CHPT1: variants seen among roughly 807,000 people sequenced by gnomAD.
CHPT1 encodes choline phosphotransferase 1.
A neutral mutation model predicts 47.6 loss-of-function variants in CHPT1; 36 were observed. That is an observed-to-expected ratio of 0.76 (90% CI 0.58 to 1.00). The LOEUF (loss-of-function observed/expected upper bound fraction) is 1.00. CHPT1 is among the 50% of genes least tolerant of loss of function. The pLI, the probability that CHPT1 is intolerant of heterozygous loss-of-function variation, is 0.00. For synonymous variants in CHPT1, 194 were observed against 186.3 expected (o/e 1.04, Z -0.33); for missense variants, 458 against 498.1 (o/e 0.92, Z 0.77).
intron 3 of CHPT1, among the ~76,000 whole-genome samples, chr12:101,716,137 T>A (rs1951760444): frequency 6.6e-6 from 1 of 151,868 alleles, no homozygotes; most frequent in South Asian, 2.1e-4. Context: ...GGAGAGAGAG[T>A]GACAGCTTCA....
At chr12:101,719,790 C>CA (rs199758198) in intron 4 of CHPT1, 14 of 233,908 alleles carry the variant, frequency 6.0e-5, no homozygotes, top group South Asian at 1.0e-4. Flanking sequence ...AAAGCAGTTT[C>CA]AAAAAAAAGT....
chr12:101,725,095 G>T (rs222507), intron 7 of CHPT1, among the ~76,000 whole-genome samples: 148,533 of 152,224 alleles, frequency 0.98, 72,490 homozygotes, highest in East Asian at 1. Flanking sequence ...ATTTGTTAGA[G>T]TTGGATATTT....
rs1366747408 is a variant in CHPT1, at chr12:101,697,684, T to G, written c.-178T>G. Reference sequence around the variant, plus strand: ...GCCGCGGCCCCACAGCTTCTGGGGCTGGGGCCCCGGCAGCCGGGCAGGCCG... The same window carrying G: ...GCCGCGGCCCCACAGCTTCTGGGGCGGGGGCCCCGGCAGCCGGGCAGGCCG... On this transcript the variant is annotated 5_prime_UTR_variant, in exon 1 of 9. Coordinates refer to ENST00000229266, the MANE Select transcript of CHPT1 (RefSeq NM_020244.3). The G allele has an allele frequency of 6.0e-6, 1 of 165,726 alleles. No individual in the cohort carries two copies. The highest frequency in any genetic ancestry group is 1.3e-5 in the Non-Finnish European group (1 of 78,934). The allele number at this position is 165,726 out of a possible 1,614,324, so 10.3% of individuals were successfully genotyped here.
intron 1 of CHPT1, among the ~76,000 whole-genome samples, 175 bp from the exon 2 acceptor site, chr12:101,713,915 A>G (rs1481484141): frequency 6.6e-6 from 1 of 152,242 alleles, no homozygotes; most frequent in Admixed American, 6.5e-5. Flanking sequence ...CCCTCTACCT[A>G]GATGACTTAA....
chr12:101,698,992 T>A (rs1951509392), intron 1 of CHPT1, among the ~76,000 whole-genome samples: 1 of 152,208 alleles, frequency 6.6e-6, no homozygotes, highest in Non-Finnish European at 1.5e-5. Context: ...TTATAATCAT[T>A]TGAGTGTAGG....
chr12:101,697,912 G>C lies in CHPT1; in HGVS notation c.51G>C (p.Leu17=). ...AGSAPRWLRA[L]SEPLSAAQLR... is the part of the protein sequence containing the mutation. ...CCGCGCCGCGCTGGCTGAGGGCGCT[G>C]AGCGAGCCGCTGAGCGCGGCGCAGC... The change falls in exon 1 of 9, where the codon CTG becomes CTC. Residue 17 remains leucine, a synonymous_variant. Coordinates refer to ENST00000229266, the MANE Select transcript of CHPT1 (RefSeq NM_020244.3). 7.1e-7 allele frequency: 1 copy of C among 1,407,964 alleles called. No homozygotes were observed. The highest frequency in any genetic ancestry group is 9.2e-7 in the Non-Finnish European group (1 of 1,082,216). 87.2% of individuals were successfully genotyped at this position (1,407,964 alleles called of 1,614,324 possible). A position where few individuals can be genotyped will look rare whatever the true frequency, so the allele number is the denominator to read the frequency against.
chr12:101,713,017 T>G (rs1356997864), intron 1 of CHPT1, among the ~76,000 whole-genome samples: 1 of 148,670 alleles, frequency 6.7e-6, no homozygotes, highest in Non-Finnish European at 1.5e-5. Flanking sequence ...AAGATGTACT[T>G]TATGATGGCT....
chr12:101,723,637 G>A (rs1480898905), intron 6 of CHPT1, 85 bp from the exon 7 acceptor site: 6 of 877,112 alleles, frequency 6.8e-6, no homozygotes, highest in Non-Finnish European at 1.0e-5. Context: ...TTTTAATACT[G>A]AATTAAAGTT....
chr12:101,722,722 AAAAAG>A (rs1017412629), intron 5 of CHPT1, among the ~76,000 whole-genome samples: 3 of 151,336 alleles, frequency 2.0e-5, no homozygotes, highest in African/African-American at 4.8e-5. Context: ...AAAAAAAAAA[AAAAAG>A]AAAATAGGAA....
intron 1 of CHPT1, among the ~76,000 whole-genome samples, chr12:101,707,920 G>A (rs1464936072): frequency 1.3e-5 from 2 of 152,114 alleles, no homozygotes; most frequent in East Asian, 3.8e-4. Context: ...ATACTTATGG[G>A]CCTTTTTCCA....
In CHPT1 at chr12:101,708,852, T is replaced by C. The variant is rs1379629854; in HGVS notation, c.274-5238T>C. Among the ~76,000 whole-genome samples, 5 of 148,782 alleles carry C rather than the reference T, an allele frequency of 3.4e-5. 2 individuals are homozygous for C. The East Asian group carries it at 8.0e-4, about 24-fold the overall frequency. On this transcript the variant is annotated intron_variant, in intron 1 of 8. Transcript: ENST00000229266. ...CCTCAAGTGATCAGCCCACCTTGGC[T>C]TCCCAAAGTGCTGGGATTACAGGTG...
chr12:101,722,232 T>C (rs189408389), intron 5 of CHPT1, among the ~76,000 whole-genome samples: 2 of 152,186 alleles, frequency 1.3e-5, no homozygotes, highest in Admixed American at 1.3e-4. Flanking sequence ...AAAGCACTAT[T>C]AGATTTTTAT....
chr12:101,699,110 G>T (rs1268674780), intron 1 of CHPT1, among the ~76,000 whole-genome samples: 1 of 152,104 alleles, frequency 6.6e-6, no homozygotes, highest in Non-Finnish European at 1.5e-5. Context: ...TGAGACAGGG[G>T]TTTACTCTGT....
At chr12:101,728,863 C>T (rs1952052587) in intron 8 of CHPT1, 38 bp from the exon 9 acceptor site, 5 of 1,606,078 alleles carry the variant, frequency 3.1e-6, no homozygotes, top group Non-Finnish European at 4.3e-6. Context: ...TTACAATATG[C>T]TTCTTAGCTA....
chr12:101,707,562 C>G (rs1951650272), intron 1 of CHPT1, among the ~76,000 whole-genome samples: 1 of 152,196 alleles, frequency 6.6e-6, no homozygotes, highest in Admixed American at 6.5e-5. Context: ...TAAACATATA[C>G]TGTGTGCCAG....
intron 1 of CHPT1, among the ~76,000 whole-genome samples, chr12:101,700,848 A>G (rs1951544855): frequency 6.6e-6 from 1 of 152,182 alleles, no homozygotes. Context: ...AAGCCCAGAG[A>G]TGTCAAGTGA....
chr12:101,705,969 G>T (rs1951625956), intron 1 of CHPT1, among the ~76,000 whole-genome samples: 1 of 151,844 alleles, frequency 6.6e-6, no homozygotes, highest in Non-Finnish European at 1.5e-5. Flanking sequence ...CAAGTGATCT[G>T]CCCGCCTCAG....
chr12:101,714,155 TG>T lies in CHPT1; in HGVS notation c.340del (p.Asp114MetfsTer14). ...TTATTTACCAGTCACTGGATGCTAT[TG>T]ATGGGAAACAAGCCAGAAGAACAAA... ...LFIYQSLDAIDGKQARRTNSC... is the reference protein window; with the variant it reads ...LFIYQSLDAIXGKQARRTNSC... On this transcript the variant is annotated frameshift_variant, in exon 2 of 9. Coordinates refer to ENST00000229266, the MANE Select transcript of CHPT1 (RefSeq NM_020244.3). LOFTEE classifies it high-confidence loss of function. 1 of 1,612,538 alleles carries T rather than the reference TG, an allele frequency of 6.2e-7. No homozygotes were observed. Among genetic ancestry groups the T allele is most frequent in the Non-Finnish European group, 8.5e-7 (1 of 1,178,618 alleles).
At position 101,728,843 on chromosome 12, in the gene CHPT1, T is replaced by A. The variant is rs1952049645; in HGVS notation, c.1177-58T>A. On this transcript the variant is annotated intron_variant, in intron 8 of 8. Coordinates refer to ENST00000229266, the MANE Select transcript of CHPT1 (RefSeq NM_020244.3). ...GATTAAAGATGTTACAATTAAACTATTCTAAAGACTTACAATATGCTTCTT... is the reference window on the plus strand; with the variant it reads ...GATTAAAGATGTTACAATTAAACTAATCTAAAGACTTACAATATGCTTCTT... 3 of 1,588,926 alleles carry A rather than the reference T, an allele frequency of 1.9e-6. No individual in the cohort carries two copies. The Admixed American group carries it at 5.0e-5, about 27-fold the overall frequency.
Sources: allele counts gnomAD v4.1 joint callset (sites outside exome capture counted in the v4.1 genomes callset), GRCh38; gene constraint gnomAD v4.1.1; transcripts MANE v1.5; gene names NCBI Gene and HGNC (gene_info 2026-07-23, HGNC 2026-07-21).